ANGPT1: variants seen among roughly 807,000 people sequenced by gnomAD.
The protein encoded by ANGPT1 is angiopoietin 1.
In ANGPT1, 17 loss-of-function variants were observed where a neutral mutation model predicts 62.2. The ratio of observed to expected loss-of-function variants is 0.27; its 90% confidence interval spans 0.19 to 0.41. The LOEUF is 0.41. Among genes scored for constraint, ANGPT1 ranks in the 10% least tolerant of loss-of-function variants. The pLI is 1.00. For synonymous variants in ANGPT1, 199 were observed against 198.9 expected, an observed-to-expected ratio of 1.00 and a Z score of 0.00; for missense variants, 478 against 594.9, an observed-to-expected ratio of 0.80 and a Z score of 2.04.
intron 7 of ANGPT1, among the ~76,000 whole-genome samples, chr8:107,265,214 G>A (rs997603574): frequency 6.6e-6 from 1 of 152,040 alleles, no homozygotes; most frequent in African/African-American, 2.4e-5. Context: ...CTGATCTTTT[G>A]TTTAAAAGGC....
intron 7 of ANGPT1, chr8:107,284,433 T>C (rs1814089939): frequency 3.9e-6 from 1 of 257,866 alleles, no homozygotes; most frequent in Non-Finnish European, 7.3e-6. Flanking sequence ...AACAGTATGC[T>C]TGACTTCATT....
intron 6 of ANGPT1, among the ~76,000 whole-genome samples, chr8:107,286,608 A>C (rs1814147184): frequency 6.6e-6 from 1 of 151,900 alleles, no homozygotes; most frequent in Non-Finnish European, 1.5e-5. Flanking sequence ...TAAAATTAAC[A>C]TATGTGTACA....
intron 1 of ANGPT1, among the ~76,000 whole-genome samples, chr8:107,388,165 C>T (rs1202055628): frequency 4.6e-5 from 7 of 152,042 alleles, no homozygotes; most frequent in Non-Finnish European, 1.0e-4. Flanking sequence ...AAACGGTGGT[C>T]TCAACAGCTT....
intron 6 of ANGPT1, among the ~76,000 whole-genome samples, chr8:107,287,349 G>A (rs4599779): frequency 0.78 from 118,497 of 152,120 alleles, 46,561 homozygotes; most frequent in Middle Eastern, 0.85. Flanking sequence ...CCCTCTAAAT[G>A]GAAATAAATA....
At chr8:107,285,595 T>C (rs756039840) in intron 6 of ANGPT1, among the ~76,000 whole-genome samples, 2 of 152,158 alleles carry the variant, frequency 1.3e-5, no homozygotes, top group Non-Finnish European at 2.9e-5. Context: ...AACATGACTT[T>C]ATTGTTCTCT....
intron 3 of ANGPT1, among the ~76,000 whole-genome samples, chr8:107,324,596 A>C (rs1348136628): frequency 1.3e-5 from 2 of 152,156 alleles, no homozygotes; most frequent in African/African-American, 4.8e-5. Flanking sequence ...TCCATTGTTT[A>C]GAAGAAGAGG....
At position 107,326,651 on chromosome 8, in the gene ANGPT1, G is replaced by A. The variant is rs546749031; in HGVS notation, c.576-4523C>T. ...GTTTCAATGCAAACCTCACTTGCCA[G>A]AAAACTCCATATACCATCTCTACTT... On this transcript the variant is annotated intron_variant, in intron 3 of 8. Coordinates refer to ENST00000517746, the MANE Select transcript of ANGPT1 (RefSeq NM_001146.5). Among the ~76,000 whole-genome samples the A allele has an allele frequency of 2.0e-5, 3 of 152,166 alleles. No individual in the cohort carries two copies. In the East Asian group the frequency reaches 5.8e-4, roughly 29 times the overall value.
intron 1 of ANGPT1, among the ~76,000 whole-genome samples, chr8:107,472,222 T>C (rs564128289): frequency 2.8e-4 from 43 of 152,052 alleles, no homozygotes; most frequent in Non-Finnish European, 5.4e-4. Context: ...ACATGACTTA[T>C]CTCTGTTGAC....
intron 1 of ANGPT1, among the ~76,000 whole-genome samples, chr8:107,419,365 A>G (rs1426134328): frequency 6.6e-6 from 1 of 152,174 alleles, no homozygotes; most frequent in Non-Finnish European, 1.5e-5. Context: ...AGAGGGAAGG[A>G]AAGGAACATC....
intron 1 of ANGPT1, among the ~76,000 whole-genome samples, chr8:107,450,500 G>C (rs976276405): frequency 6.6e-6 from 1 of 151,948 alleles, no homozygotes. Flanking sequence ...TCTACATTGT[G>C]CTGTTTTGTG....
At chr8:107,463,432 G>T (rs1812121557) in intron 1 of ANGPT1, among the ~76,000 whole-genome samples, 1 of 151,968 alleles carries the variant, frequency 6.6e-6, no homozygotes, top group Non-Finnish European at 1.5e-5. Flanking sequence ...ACTAAATTCT[G>T]GACAATTTAT....
chr8:107,475,785 A>G (rs981220694), intron 1 of ANGPT1, among the ~76,000 whole-genome samples: 1 of 152,238 alleles, frequency 6.6e-6, no homozygotes, highest in Non-Finnish European at 1.5e-5. Flanking sequence ...GGATATGAAC[A>G]GACACTTCTC....
At chr8:107,409,708 A>T (rs1297155369) in intron 1 of ANGPT1, among the ~76,000 whole-genome samples, 3 of 135,442 alleles carry the variant, frequency 2.2e-5, no homozygotes, top group African/African-American at 7.6e-5. Context: ...TCATTTTCAT[A>T]TGAAAAATGC....
intron 1 of ANGPT1, among the ~76,000 whole-genome samples, chr8:107,482,081 T>C (rs188141422): frequency 6.6e-6 from 1 of 152,354 alleles, no homozygotes; most frequent in Admixed American, 6.5e-5. Context: ...GTATCACGGC[T>C]TATATGAGTG....
intron 1 of ANGPT1, among the ~76,000 whole-genome samples, chr8:107,388,939 A>T (rs936556766): frequency 6.6e-6 from 1 of 152,162 alleles, no homozygotes; most frequent in Non-Finnish European, 1.5e-5. Context: ...AAGGAGCCTG[A>T]CATATTGTTT....
At chr8:107,291,774 C>A (rs1291548576) in intron 6 of ANGPT1, among the ~76,000 whole-genome samples, 1 of 149,306 alleles carries the variant, frequency 6.7e-6, no homozygotes, top group Non-Finnish European at 1.5e-5. Context: ...AATCTTTTAT[C>A]CCTCATATAT....
intron 3 of ANGPT1, among the ~76,000 whole-genome samples, chr8:107,324,834 G>C (rs1044393190): frequency 6.6e-6 from 1 of 152,164 alleles, no homozygotes; most frequent in Non-Finnish European, 1.5e-5. Flanking sequence ...GACTTCTGCA[G>C]TAGAAGTCCC....
chr8:107,311,253 G>A (rs1435349160), intron 4 of ANGPT1, among the ~76,000 whole-genome samples: 1 of 148,536 alleles, frequency 6.7e-6, no homozygotes. Flanking sequence ...CAATATAAAG[G>A]GGGCATGCTA....
intron 1 of ANGPT1, among the ~76,000 whole-genome samples, chr8:107,354,465 A>G (rs1286726843): frequency 1.3e-5 from 2 of 152,160 alleles, no homozygotes; most frequent in Non-Finnish European, 2.9e-5. Flanking sequence ...GGATTCGATC[A>G]TTTCTAATGA....
Sources: allele counts gnomAD v4.1 joint callset (sites outside exome capture counted in the v4.1 genomes callset), GRCh38; gene constraint gnomAD v4.1.1; transcripts MANE v1.5; gene names NCBI Gene and HGNC (gene_info 2026-07-23, HGNC 2026-07-21).